BST1: variants seen among roughly 807,000 people sequenced by gnomAD.
BST1 encodes the protein bone marrow stromal cell antigen 1, also known as ADP-ribosyl cyclase/cyclic ADP-ribose hydrolase 2.
A neutral mutation model predicts 40.6 loss-of-function variants in BST1; 49 were observed. The observed-to-expected ratio is 1.21, with a 90% CI of 0.96 to 1.53. The LOEUF (loss-of-function observed/expected upper bound fraction) is 1.53, where lower values mean the gene tolerates loss of function less well. Among genes scored for constraint, BST1 ranks in the 40% most tolerant of loss-of-function variants. BST1 has a pLI of 0.00. For synonymous variants in BST1, 157 were observed against 159.3 expected (o/e 0.99, Z 0.11); for missense variants, 423 against 395.9 (o/e 1.07, Z -0.58).
the BST1 span, among the ~76,000 whole-genome samples, chr4:15,744,445 G>A: frequency 6.6e-6 from 1 of 152,150 alleles, no homozygotes; most frequent in South Asian, 2.1e-4. Flanking sequence ...CAGATCTTGT[G>A]AGAACTCACT....
downstream of BST1, among the ~76,000 whole-genome samples, chr4:15,739,854 A>G (rs1180191162): frequency 6.6e-6 from 1 of 151,006 alleles, no homozygotes; most frequent in Non-Finnish European, 1.5e-5. Context: ...ATTTGGTGGT[A>G]GGAGGGGGAA....
At chr4:15,731,286 C>T (rs1479419042) in intron 8 of BST1, 3 of 510,738 alleles carry the variant, frequency 5.9e-6, no homozygotes, top group Non-Finnish European at 1.1e-5. Flanking sequence ...TGATCAGAGA[C>T]TCTGAGGCCA....
intron 7 of BST1, among the ~76,000 whole-genome samples, chr4:15,721,733 C>A (rs28728051): frequency 0.028 from 4,326 of 152,028 alleles, 187 homozygotes; most frequent in African/African-American, 0.1. Context: ...TGTGGCACAC[C>A]AACATGGCAT....
the BST1 span, among the ~76,000 whole-genome samples, chr4:15,752,103 G>T: frequency 1.3e-5 from 2 of 152,186 alleles, no homozygotes; most frequent in Non-Finnish European, 2.9e-5. Flanking sequence ...TCATTAAACA[G>T]CTATCATTGT....
At chr4:15,767,606 C>CTTT in the BST1 span, among the ~76,000 whole-genome samples, 1 of 145,224 alleles carries the variant, frequency 6.9e-6, no homozygotes, top group Admixed American at 6.8e-5. Flanking sequence ...CCCGGCCCTA[C>CTTT]TTTTTTTTTT....
intron 7 of BST1, 50 bp from the exon 8 acceptor site, chr4:15,722,825 T>C (rs554753079): frequency 7.8e-6 from 12 of 1,536,270 alleles, no homozygotes; most frequent in East Asian, 6.8e-5. Context: ...AAATGGTTGA[T>C]GGATGAAAGT....
intron 4 of BST1, 115 bp downstream of exon 4, chr4:15,712,004 T>A: frequency 1.2e-6 from 1 of 816,010 alleles, no homozygotes; most frequent in Non-Finnish European, 2.0e-6. Flanking sequence ...AGCCTCACTT[T>A]CCACTTTTAC....
At chr4:15,771,882 A>T in the BST1 span, among the ~76,000 whole-genome samples, 1 of 152,250 alleles carries the variant, frequency 6.6e-6, no homozygotes, top group Non-Finnish European at 1.5e-5. Flanking sequence ...TCTAGGGGTC[A>T]TCTAAAAGAA....
the BST1 span, among the ~76,000 whole-genome samples, chr4:15,757,760 A>G: frequency 3.3e-5 from 5 of 151,644 alleles, no homozygotes; most frequent in African/African-American, 4.9e-5. Context: ...TCCTGCCTCA[A>G]CCTCCCAAGT....
chr4:15,719,831 C>T (rs187207808), intron 7 of BST1, among the ~76,000 whole-genome samples: 90 of 152,270 alleles, frequency 5.9e-4, no homozygotes, highest in African/African-American at 2.1e-3. Flanking sequence ...TGAACCACTC[C>T]CTCCCACTCC....
intron 6 of BST1, among the ~76,000 whole-genome samples, chr4:15,717,062 G>A (rs912779159): frequency 2.0e-5 from 3 of 152,094 alleles, no homozygotes; most frequent in Admixed American, 6.5e-5. Flanking sequence ...TTACAGGCAT[G>A]AGCCACCATG....
At chr4:15,762,048 G>A in the BST1 span, among the ~76,000 whole-genome samples, 1 of 151,566 alleles carries the variant, frequency 6.6e-6, no homozygotes, top group Non-Finnish European at 1.5e-5. Context: ...AATTAGCCAG[G>A]CATAGTGGCA....
the BST1 span, among the ~76,000 whole-genome samples, chr4:15,773,078 G>A: frequency 0.068 from 10,405 of 152,306 alleles, 467 homozygotes; most frequent in Non-Finnish European, 0.1. Flanking sequence ...GAGGAAGGCG[G>A]AAAGAGTGGA....
intron 1 of BST1, among the ~76,000 whole-genome samples, chr4:15,704,454 ATG>A (rs1231238474): frequency 1.0e-4 from 13 of 128,880 alleles, no homozygotes; most frequent in East Asian, 5.0e-4. Context: ...TAGAGGTGAG[ATG>A]TGTGTGTGTT....
intron 3 of BST1, among the ~76,000 whole-genome samples, chr4:15,711,069 C>T (rs534016087): frequency 3.9e-5 from 6 of 152,310 alleles, no homozygotes; most frequent in Admixed American, 2.0e-4. Flanking sequence ...AGATTACAGG[C>T]GTGAGCCACT....
At chr4:15,709,248 G>A (rs1427767863) in intron 3 of BST1, among the ~76,000 whole-genome samples, 1 of 152,196 alleles carries the variant, frequency 6.6e-6, no homozygotes. Flanking sequence ...ACAAGGACCT[G>A]AAGGAGATGA....
chr4:15,703,233 C>A lies in BST1; in HGVS notation c.89C>A (p.Ala30Glu), dbSNP rs923544011. Reference protein sequence around the residue: ...LLLLLLAAGGARARWRGEGTS... With the variant: ...LLLLLLAAGGERARWRGEGTS... Reference sequence around the variant, plus strand: ...CTGTTGCTGCTGGCGGCGGGCGGGGCGCGCGCGCGGTGGCGCGGGGAGGGC... The same window carrying A: ...CTGTTGCTGCTGGCGGCGGGCGGGGAGCGCGCGCGGTGGCGCGGGGAGGGC... The change falls in exon 1 of 9, where the codon GCG (alanine) becomes GAG (glutamate). Residue 30 changes from alanine to glutamate, a missense_variant. Transcript: ENST00000265016. 2.1e-5 allele frequency: 32 copies of A among 1,538,862 alleles called. No homozygotes were observed. The highest frequency in any genetic ancestry group is 2.7e-5 in the Non-Finnish European group (31 of 1,144,950).
rs145042054 is a variant in BST1, at chr4:15,715,418, G to A, written c.611+57G>A. 180 of 1,530,354 alleles carry A rather than the reference G, an allele frequency of 1.2e-4. 1 individual carries two copies. In the African/African-American group the frequency reaches 2.0e-3, roughly 17 times the overall value. The allele number at this position is 1,530,354 out of a possible 1,614,324, so 94.8% of individuals were successfully genotyped here. A position where few individuals can be genotyped will look rare whatever the true frequency, so the allele number is the denominator to read the frequency against. On this transcript the variant is annotated intron_variant, in intron 5 of 8. Transcript: ENST00000265016. Reference sequence around the variant, plus strand: ...AGAATGCCAAAATATTTATTTAATTGTTTTAAATAGAGGCTAAAGAAAATT... The same window carrying A: ...AGAATGCCAAAATATTTATTTAATTATTTTAAATAGAGGCTAAAGAAAATT...
chr4:15,763,623 T>C, the BST1 span, among the ~76,000 whole-genome samples: 1 of 151,912 alleles, frequency 6.6e-6, no homozygotes, highest in Non-Finnish European at 1.5e-5. Context: ...ATTTTACAAT[T>C]TATTAGAGTA....
Sources: gnomAD v4.1 joint callset for allele counts (sites outside exome capture counted in the v4.1 genomes callset) on GRCh38, gnomAD v4.1.1 for gene constraint, MANE v1.5 for transcripts, NCBI Gene and HGNC (gene_info 2026-07-23, HGNC 2026-07-21) for gene names.